TPRG1: variants seen among roughly 807,000 people sequenced by gnomAD.
TPRG1 encodes the protein tumor protein p63 regulated 1, also known as tumor protein p63-regulated gene 1 protein.
A neutral mutation model predicts 29.3 loss-of-function variants in TPRG1; 29 were observed. The observed-to-expected ratio is 0.99, with a 90% CI of 0.74 to 1.35. The LOEUF is 1.35. Ranked by LOEUF, TPRG1 falls within the 40% of genes most tolerant of loss-of-function variation. The pLI is 0.00. For missense variants in TPRG1, 327 were observed against 335.0 expected (o/e 0.98, Z 0.19); for synonymous variants, 130 against 116.8 (o/e 1.11, Z -0.73).
intron 4 of TPRG1, chr3:189,150,523 G>T (rs980421473): frequency 6.6e-6 from 1 of 152,102 alleles, no homozygotes; most frequent in Non-Finnish European, 1.5e-5. Flanking sequence ...CTTCAGCTGC[G>T]ACTGTTCATT....
chr3:189,287,938 C>T (rs1391586941), intron 4 of TPRG1, among the ~76,000 whole-genome samples: 2 of 151,880 alleles, frequency 1.3e-5, no homozygotes, highest in East Asian at 3.9e-4. Flanking sequence ...GACTTTATCA[C>T]CCAACTTTAA....
intron 2 of TPRG1, among the ~76,000 whole-genome samples, chr3:189,212,734 T>A (rs1253823760): frequency 6.6e-6 from 1 of 152,292 alleles, no homozygotes; most frequent in Non-Finnish European, 1.5e-5. Flanking sequence ...AGTCTGGACA[T>A]GACAAGAGAG....
chr3:189,042,752 T>G (rs963258714), intron 4 of TPRG1, among the ~76,000 whole-genome samples: 1 of 152,124 alleles, frequency 6.6e-6, no homozygotes, highest in East Asian at 1.9e-4. Flanking sequence ...AATAGTTTCT[T>G]TAGGCATTGA....
At chr3:189,070,934 A>C (rs190458583) in intron 4 of TPRG1, among the ~76,000 whole-genome samples, 53 of 152,194 alleles carry the variant, frequency 3.5e-4, no homozygotes, top group Admixed American at 1.8e-3. Context: ...GGATGAAGGA[A>C]GGCCTGTTGA....
chr3:189,131,458 A>G (rs974935689), intron 2 of TPRG1, among the ~76,000 whole-genome samples: 1 of 152,228 alleles, frequency 6.6e-6, no homozygotes, highest in South Asian at 2.1e-4. Context: ...TAAAATCTCC[A>G]TCTTGAAGGA....
At chr3:189,194,138 A>C (rs1485136621) in intron 1 of TPRG1, among the ~76,000 whole-genome samples, 2 of 151,824 alleles carry the variant, frequency 1.3e-5, no homozygotes, top group Admixed American at 1.3e-4. Context: ...GTTTTTCTGC[A>C]TAGGTGCAAT....
At chr3:189,208,414 A>G (rs1734741359) in intron 2 of TPRG1, among the ~76,000 whole-genome samples, 1 of 152,118 alleles carries the variant, frequency 6.6e-6, no homozygotes, top group South Asian at 2.1e-4. Flanking sequence ...TACGTGGGAG[A>G]TCTTTTTGGA....
At chr3:189,234,614 C>A (rs1739162985) in intron 3 of TPRG1, among the ~76,000 whole-genome samples, 1 of 152,146 alleles carries the variant, frequency 6.6e-6, no homozygotes, top group South Asian at 2.1e-4. Context: ...TCGGGTTCCC[C>A]AAACAGCATG....
At chr3:189,224,672 C>T (rs746750750) in intron 3 of TPRG1, among the ~76,000 whole-genome samples, 4 of 152,056 alleles carry the variant, frequency 2.6e-5, no homozygotes, top group Non-Finnish European at 5.9e-5. Flanking sequence ...TGAATGGTAG[C>T]CTAAGGAGTT....
intron 1 of TPRG1, among the ~76,000 whole-genome samples, chr3:189,174,440 T>G (rs1183991407): frequency 6.6e-6 from 1 of 152,136 alleles, no homozygotes; most frequent in Admixed American, 6.5e-5. Context: ...TCCCCCATCC[T>G]CCACAGCTCC....
In TPRG1 at chr3:189,062,236, C is replaced by T. The variant is rs115591193; in HGVS notation, c.-463+38290C>T. On this transcript the variant is annotated intron_variant, in intron 4 of 10. Transcript: ENST00000433971. ...TCGCTTGTAAGTAGGAGCTAAATGA[C>T]GAGGACCTGTGAACACAAAGAAGGG... Among the ~76,000 whole-genome samples, 398 of 152,032 alleles carry T rather than the reference C, an allele frequency of 2.6e-3. 1 individual carries two copies. The highest frequency in any genetic ancestry group is 8.1e-3 in the African/African-American group (337 of 41,494).
chr3:189,006,351 A>G (rs1712286067), intron 3 of TPRG1, among the ~76,000 whole-genome samples: 1 of 152,180 alleles, frequency 6.6e-6, no homozygotes, highest in South Asian at 2.1e-4. Flanking sequence ...GTTTGTGTAG[A>G]ACCCATAACA....
At chr3:189,222,340 T>G (rs1737067554) in intron 3 of TPRG1, among the ~76,000 whole-genome samples, 1 of 151,920 alleles carries the variant, frequency 6.6e-6, no homozygotes. Context: ...GGAAAAAGGT[T>G]AAAAAAAACT....
intron 4 of TPRG1, among the ~76,000 whole-genome samples, chr3:189,038,462 G>GAATT: frequency 2.6e-5 from 4 of 152,100 alleles, no homozygotes; most frequent in Admixed American, 2.6e-4. Flanking sequence ...ATGGAGAAAA[G>GAATT]TAAAATTTGA....
At chr3:189,093,224 G>T (rs7630733) in intron 4 of TPRG1, among the ~76,000 whole-genome samples, 14,080 of 152,172 alleles carry the variant, frequency 0.093, 832 homozygotes, top group African/African-American at 0.17. Flanking sequence ...AAAGATGAAG[G>T]AGAAGATTAA....
At chr3:189,306,742 A>G (rs1367704211) in intron 4 of TPRG1, among the ~76,000 whole-genome samples, 1 of 152,212 alleles carries the variant, frequency 6.6e-6, no homozygotes, top group Admixed American at 6.5e-5. Flanking sequence ...TATGGTTCAT[A>G]GTAGACACTC....
intron 3 of TPRG1, among the ~76,000 whole-genome samples, chr3:189,010,326 T>C (rs1712531605): frequency 2.0e-5 from 3 of 152,316 alleles, no homozygotes; most frequent in South Asian, 2.1e-4. Context: ...GGTTGAATGA[T>C]ATTTCTGTCT....
chr3:189,260,030 G>A (rs900446297), intron 4 of TPRG1, among the ~76,000 whole-genome samples: 11 of 152,140 alleles, frequency 7.2e-5, no homozygotes, highest in African/African-American at 2.7e-4. Context: ...AATATAGACA[G>A]TTTAAGGCTT....
chr3:189,090,972 G>T (rs1249869861), intron 4 of TPRG1, among the ~76,000 whole-genome samples: 2 of 152,086 alleles, frequency 1.3e-5, no homozygotes, highest in African/African-American at 4.8e-5. Flanking sequence ...GGGAAACCCA[G>T]TTCTACCATA....
Sources: gnomAD v4.1 joint callset for allele counts (sites outside exome capture counted in the v4.1 genomes callset) on GRCh38, gnomAD v4.1.1 for gene constraint, MANE v1.5 for transcripts, NCBI Gene and HGNC (gene_info 2026-07-23, HGNC 2026-07-21) for gene names.